The following LIPC variants were observed in gnomAD, a reference collection of about 807,000 sequenced individuals.
LIPC encodes lipase C, hepatic type.
Under a neutral mutation model 50.7 loss-of-function variants are expected in LIPC, and 44 were observed. That is an observed-to-expected ratio of 0.87 (90% CI 0.68 to 1.11). The LOEUF (loss-of-function observed/expected upper bound fraction) is 1.11, where lower values mean the gene tolerates loss of function less well. LIPC is among the 50% of genes most tolerant of loss of function. LIPC has a pLI of 0.00. For synonymous variants in LIPC, 271 were observed against 256.4 expected, an observed-to-expected ratio of 1.06 and a Z score of -0.54; for missense variants, 697 against 648.2, an observed-to-expected ratio of 1.08 and a Z score of -0.82.
intron 6 of LIPC, among the ~76,000 whole-genome samples, chr15:58,557,316 C>T (rs1394151350): frequency 6.7e-6 from 1 of 149,022 alleles, no homozygotes; most frequent in African/African-American, 2.5e-5. Flanking sequence ...AAGCAAAGCA[C>T]TTGGCAAAAA....
intron 2 of LIPC, among the ~76,000 whole-genome samples, chr15:58,538,780 T>A (rs1309634902): frequency 6.6e-6 from 1 of 152,172 alleles, no homozygotes; most frequent in South Asian, 2.1e-4. Context: ...CACAGCCCAT[T>A]GGGGCCCACA....
intron 1 of LIPC, among the ~76,000 whole-genome samples, chr15:58,442,959 CTGGAGTGCAG>C: frequency 6.6e-6 from 1 of 152,336 alleles, no homozygotes. Context: ...GTTGCCCAGG[CTGGAGTGCAG>C]TGGCGTGATC....
At chr15:58,538,196 G>T in intron 1 of LIPC, 137 bp from the exon 2 acceptor site, 1 of 879,942 alleles carries the variant, frequency 1.1e-6, no homozygotes, top group East Asian at 2.4e-5. Flanking sequence ...GCTCCCCACA[G>T]TTGTGGCTCA....
chr15:58,527,215 T>A (rs1446762526), intron 1 of LIPC, among the ~76,000 whole-genome samples: 1 of 152,228 alleles, frequency 6.6e-6, no homozygotes, highest in African/African-American at 2.4e-5. Context: ...GTTTGCTTTT[T>A]TAGCCAGTTG....
At chr15:58,480,180 A>G (rs1891138524) in intron 1 of LIPC, among the ~76,000 whole-genome samples, 1 of 152,210 alleles carries the variant, frequency 6.6e-6, no homozygotes, top group Admixed American at 6.5e-5. Context: ...CTAACATCAC[A>G]TTCTGCTTTG....
At chr15:58,448,498 C>A (rs910641145) in intron 1 of LIPC, among the ~76,000 whole-genome samples, 2 of 152,254 alleles carry the variant, frequency 1.3e-5, no homozygotes, top group Admixed American at 1.3e-4. Context: ...ATAAGATGCA[C>A]TCCCTCCCTG....
chr15:58,539,919 C>A (rs1443140892), intron 2 of LIPC, among the ~76,000 whole-genome samples: 2 of 152,192 alleles, frequency 1.3e-5, no homozygotes, highest in Non-Finnish European at 2.9e-5. Context: ...CTGCCTTCAT[C>A]CCAGCACTCC....
At chr15:58,469,366 G>C (rs1322146132) in intron 1 of LIPC, among the ~76,000 whole-genome samples, 1 of 152,046 alleles carries the variant, frequency 6.6e-6, no homozygotes, top group African/African-American at 2.4e-5. Context: ...GGCCCACTTG[G>C]GTCTCAACCA....
rs185966655 is a variant in LIPC at position 58,544,110 on chromosome 15, G to A, written c.574+1459G>A. 9.7e-4 allele frequency among the ~76,000 whole-genome samples: 148 copies of A among 152,246 alleles called. 1 individual carries two copies. The highest frequency in any genetic ancestry group is 8.5e-3 in the Admixed American group (130 of 15,284). ...CACTGGGGAAGCCTGGTCACAGACCGGCGTGTGGCCCCCATGGATTTAACC... is the reference window on the plus strand; with the variant it reads ...CACTGGGGAAGCCTGGTCACAGACCAGCGTGTGGCCCCCATGGATTTAACC... On this transcript the variant is annotated intron_variant, in intron 4 of 8. Transcript: ENST00000299022.
In LIPC at chr15:58,541,944, G is replaced by A. The variant is rs201563586; in HGVS notation, c.433G>A (p.Ala145Thr). The A allele has an allele frequency of 8.0e-5, 129 of 1,610,634 alleles. No homozygotes were observed. Among genetic ancestry groups the A allele is most frequent in the Middle Eastern group, 1.6e-4 (1 of 6,080 alleles). ...RNTRLVGKEV[A>T]ALLRWLEESV... ...CACCCGCCTTGTGGGCAAGGAGGTC[G>A]CGGCTCTTCTCCGGTGGCTGGAGGT... The change falls in exon 3 of 9, where the codon GCG becomes ACG. Residue 145 changes from alanine to threonine, a missense_variant. By Grantham distance (58) the Ala-to-Thr change is moderately conservative (BLOSUM62 0). Coordinates refer to ENST00000299022, the MANE Select transcript of LIPC (RefSeq NM_000236.3).
At chr15:58,498,301 G>A (rs746050507) in intron 1 of LIPC, among the ~76,000 whole-genome samples, 9 of 152,134 alleles carry the variant, frequency 5.9e-5, no homozygotes, top group Non-Finnish European at 1.2e-4. Flanking sequence ...AATAGGTCTA[G>A]AGCGGGACTT....
chr15:58,515,669 A>G (rs368420055), intron 1 of LIPC, among the ~76,000 whole-genome samples: 35 of 152,136 alleles, frequency 2.3e-4, no homozygotes, highest in African/African-American at 7.0e-4. Context: ...CCCAGTGTCA[A>G]ATAGGGAGTT....
At chr15:58,439,087 A>G (rs1893414202) in intron 1 of LIPC, among the ~76,000 whole-genome samples, 1 of 152,202 alleles carries the variant, frequency 6.6e-6, no homozygotes, top group South Asian at 2.1e-4. Flanking sequence ...GGCCCTTAAA[A>G]ATAGTTCTCA....
chr15:58,513,451 G>A (rs763925104), intron 1 of LIPC, among the ~76,000 whole-genome samples: 38 of 152,134 alleles, frequency 2.5e-4, no homozygotes, highest in Non-Finnish European at 4.7e-4. Context: ...AATCTTCAAA[G>A]CAAACCGTTG....
Position 58,493,306 on chromosome 15 carries a change from G to A in LIPC, c.89-45027G>A, listed in dbSNP as rs1891647590. ...TACTGTCTGCCCGTTTGGACTAGCA[G>A]CTGGTGCTGTGGGATCTTTAACTCC... On this transcript the variant is annotated intron_variant, in intron 1 of 8. Transcript: ENST00000299022. Among the ~76,000 whole-genome samples the A allele has an allele frequency of 2.6e-5, 4 of 152,244 alleles. No individual in the cohort carries two copies. The South Asian group carries it at 6.2e-4, about 24-fold the overall frequency.
intron 1 of LIPC, among the ~76,000 whole-genome samples, chr15:58,468,417 G>A (rs115561161): frequency 0.01 from 1,597 of 152,226 alleles, 21 homozygotes; most frequent in African/African-American, 0.037. Context: ...GAAACTCTGA[G>A]AATGAGGGCC....
chr15:58,451,204 G>A (rs1198066591), intron 1 of LIPC, among the ~76,000 whole-genome samples: 1 of 152,204 alleles, frequency 6.6e-6, no homozygotes, highest in African/African-American at 2.4e-5. Flanking sequence ...CAGGCCTCGA[G>A]TGACAGGTAG....
At chr15:58,472,553 G>T (rs1316029737) in intron 1 of LIPC, among the ~76,000 whole-genome samples, 1 of 135,910 alleles carries the variant, frequency 7.4e-6, no homozygotes, top group South Asian at 2.3e-4. Flanking sequence ...TCCAGCCTGG[G>T]CAAGAGAGTG....
rs756664969 is a variant in LIPC at position 58,563,618 on chromosome 15, A to C, written c.1283A>C (p.Asn428Thr). Residue 428 changes from asparagine to threonine, a missense_variant, in exon 8 of 9, where the codon AAT (asparagine) becomes ACT (threonine). Asn to Thr is a moderately conservative substitution (Grantham distance 65). Transcript: ENST00000299022. ...TGGGAAAACAGTGCAGTGTGGGCCA[A>C]TGTCTGGGACACGGTCCAGACCATC... ...FKWENSAVWA[N>T]VWDTVQTIIP... 10 of 1,614,062 alleles carry C rather than the reference A, an allele frequency of 6.2e-6. No homozygotes were observed. The highest frequency in any genetic ancestry group is 8.5e-6 in the Non-Finnish European group (10 of 1,180,014).
Sources: allele counts gnomAD v4.1 joint callset (sites outside exome capture counted in the v4.1 genomes callset), GRCh38; gene constraint gnomAD v4.1.1; transcripts MANE v1.5; gene names NCBI Gene and HGNC (gene_info 2026-07-23, HGNC 2026-07-21).